Variants in AKR1C2 observed in about 807,000 individuals in gnomAD.
The protein encoded by AKR1C2 is 3-alpha-HSD3.
In AKR1C2, 27 loss-of-function variants were observed where a neutral mutation model predicts 39.8. The ratio of observed to expected loss-of-function variants is 0.68; its 90% CI spans 0.50 to 0.93. The LOEUF is 0.93. Among genes scored for constraint, AKR1C2 ranks in the 40% least tolerant of loss-of-function variants. The probability of loss-of-function intolerance (pLI) is 0.00; values close to 1 mark genes in which losing one functional copy is unlikely to be tolerated. For synonymous variants in AKR1C2, 114 were observed against 137.9 expected, an observed-to-expected ratio of 0.83 and a Z score of 1.22; for missense variants, 263 against 365.1, an observed-to-expected ratio of 0.72 and a Z score of 2.28.
At chr10:5,014,236 C>G (rs1271426757) in intron 1 of AKR1C2, among the ~76,000 whole-genome samples, 13 of 151,436 alleles carry the variant, frequency 8.6e-5, no homozygotes, top group Non-Finnish European at 1.9e-4. Flanking sequence ...TATTGTGAGC[C>G]CCAAATACCT....
chr10:4,991,601 T>C (rs1392144028), intron 8 of AKR1C2, among the ~76,000 whole-genome samples: 1 of 151,534 alleles, frequency 6.6e-6, no homozygotes, highest in East Asian at 1.9e-4. Context: ...GGAAAGTTCC[T>C]TGGAGTCACG....
chr10:5,006,973 T>C (rs4472836), upstream of AKR1C2, among the ~76,000 whole-genome samples: 36,620 of 148,394 alleles, frequency 0.25, 4,907 homozygotes, highest in Middle Eastern at 0.4. Context: ...AGGGTTTCAC[T>C]ATGGTAGCCA....
intron 1 of AKR1C2, among the ~76,000 whole-genome samples, chr10:5,014,361 C>G (rs7086573): frequency 1.4e-4 from 21 of 152,292 alleles, no homozygotes; most frequent in African/African-American, 4.3e-4. Context: ...AAAGGTCTCA[C>G]TGTTGTGTTA....
intron 7 of AKR1C2, among the ~76,000 whole-genome samples, chr10:4,993,164 A>T (rs1836901038): frequency 6.6e-6 from 1 of 152,230 alleles, no homozygotes; most frequent in Admixed American, 6.5e-5. Context: ...AGTTAATAAG[A>T]TGATTCAAAA....
chr10:5,004,780 T>C (rs1257619013), upstream of AKR1C2: 7 of 137,940 alleles, frequency 5.1e-5, no homozygotes, highest in Admixed American at 7.7e-5. Flanking sequence ...GTAATTTGCA[T>C]GATCCATGAT....
At chr10:5,016,523 T>A (rs1837642554) in intron 1 of AKR1C2, among the ~76,000 whole-genome samples, 1 of 152,240 alleles carries the variant, frequency 6.6e-6, no homozygotes, top group African/African-American at 2.4e-5. Flanking sequence ...AGAGGTGGGC[T>A]CCCAGGGTCT....
At chr10:5,010,962 C>T (rs1188432051) in intron 1 of AKR1C2, among the ~76,000 whole-genome samples, 4 of 150,182 alleles carry the variant, frequency 2.7e-5, no homozygotes, top group African/African-American at 9.8e-5. Context: ...GGAACTCAGA[C>T]TAAGATTTCA....
chr10:5,012,745 T>C (rs1419492206), intron 1 of AKR1C2, among the ~76,000 whole-genome samples: 1 of 152,234 alleles, frequency 6.6e-6, no homozygotes, highest in Non-Finnish European at 1.5e-5. Context: ...ACATTTGTGA[T>C]AATTTTTTAC....
At chr10:4,993,947 A>G (rs1179243662) in intron 7 of AKR1C2, among the ~76,000 whole-genome samples, 1 of 151,692 alleles carries the variant, frequency 6.6e-6, no homozygotes, top group Non-Finnish European at 1.5e-5. Context: ...AAATATTTTT[A>G]AAATAATTTA....
chr10:5,015,292 T>C (rs782716730), intron 1 of AKR1C2: 15 of 152,248 alleles, frequency 9.9e-5, no homozygotes, highest in Non-Finnish European at 1.8e-4. Flanking sequence ...TTATTTTCTT[T>C]CTTTTCTACA....
At position 4,988,222 on chromosome 10, in the gene AKR1C2, CACTT is replaced by C. The variant is rs1481643278; in HGVS notation, c.*1770_*1773del. 1 of 152,182 alleles carries C rather than the reference CACTT, an allele frequency of 6.6e-6. No homozygotes were observed. Among genetic ancestry groups the C allele is most frequent in the Non-Finnish European group, 1.5e-5 (1 of 68,028 alleles). 9.4% of individuals were successfully genotyped at this position (152,182 alleles called of 1,614,324 possible). A position where few individuals can be genotyped will look rare whatever the true frequency, so the allele number is the denominator to read the frequency against. The stretch of plus-strand genomic sequence containing the variant: ...TAACAAAATGTCAATCTTTTCTTGA[CACTT>C]ACATCAGTCAAGTTTATGAGATGTG... On this transcript the variant is annotated 3_prime_UTR_variant, in exon 9 of 9. Transcript: ENST00000380753.
At chr10:5,015,434 G>C in intron 1 of AKR1C2, among the ~76,000 whole-genome samples, 1 of 152,000 alleles carries the variant, frequency 6.6e-6, no homozygotes, top group South Asian at 2.1e-4. Flanking sequence ...TGTCCCCAGG[G>C]GCTTATAATT....
In AKR1C2 at chr10:4,989,994, T is replaced by C; in HGVS notation, c.*2A>G. 2 of 1,608,762 alleles carry C rather than the reference T, an allele frequency of 1.2e-6. No individual in the cohort carries two copies. Among genetic ancestry groups the C allele is most frequent in the Non-Finnish European group, 1.7e-6 (2 of 1,177,606 alleles). On this transcript the variant is annotated 3_prime_UTR_variant, in exon 9 of 9. Transcript: ENST00000380753. ...GGCAGACCTCATGCAATGCCCTCCA[T>C]GTTAATATTCATCAGAAAATGGATA...
At chr10:5,005,729 C>T (rs561371231), upstream of AKR1C2, among the ~76,000 whole-genome samples, 7 of 152,160 alleles carry the variant, frequency 4.6e-5, no homozygotes, top group Non-Finnish European at 8.8e-5. Flanking sequence ...AATCACAGTC[C>T]ATTATGAGGA....
intron 1 of AKR1C2, chr10:5,013,363 C>A (rs377304905): frequency 3.3e-5 from 5 of 152,190 alleles, no homozygotes; most frequent in African/African-American, 7.2e-5. Context: ...TACACATAAC[C>A]GTGTCATGGC....
At chr10:5,013,998 T>A (rs1837577704) in intron 1 of AKR1C2, among the ~76,000 whole-genome samples, 1 of 152,130 alleles carries the variant, frequency 6.6e-6, no homozygotes, top group South Asian at 2.1e-4. Flanking sequence ...TAGTAAAATG[T>A]CCTCAAGGTT....
intron 1 of AKR1C2, among the ~76,000 whole-genome samples, chr10:5,002,268 G>A (rs1174402178): frequency 6.6e-6 from 1 of 152,192 alleles, no homozygotes; most frequent in Non-Finnish European, 1.5e-5. Flanking sequence ...AGCAAAGCAG[G>A]TGCACAGAAA....
At chr10:4,997,479 G>A (rs1837097502) in intron 5 of AKR1C2, 1 of 222,698 alleles carries the variant, frequency 4.5e-6, no homozygotes. Flanking sequence ...GAGGTCTCTA[G>A]GGGTCAATTG....
intron 3 of AKR1C2, chr10:5,000,214 T>G: frequency 7.0e-7 from 1 of 1,429,708 alleles, no homozygotes; most frequent in Non-Finnish European, 9.1e-7. Flanking sequence ...CACAGCTTCA[T>G]GAAACTCTGT....
Sources: gnomAD v4.1 joint callset for allele counts (sites outside exome capture counted in the v4.1 genomes callset) on GRCh38, gnomAD v4.1.1 for gene constraint, MANE v1.5 for transcripts, NCBI Gene and HGNC (gene_info 2026-07-23, HGNC 2026-07-21) for gene names.